SLC44A5: variants seen among roughly 807,000 people sequenced by gnomAD.
SLC44A5 encodes choline transporter-like protein 5.
In SLC44A5, 57 loss-of-function variants were observed where a neutral mutation model predicts 101.8. The observed-to-expected ratio is 0.56, with a 90% CI of 0.45 to 0.70. The LOEUF (loss-of-function observed/expected upper bound fraction) is 0.70, where lower values mean the gene tolerates loss of function less well. Among genes scored for constraint, SLC44A5 ranks in the 30% least tolerant of loss-of-function variants. The pLI is 0.00. For synonymous variants in SLC44A5, 281 were observed against 290.9 expected (o/e 0.97, Z 0.35); for missense variants, 737 against 853.1 (o/e 0.86, Z 1.70).
At chr1:75,465,299 C>T (rs1395120894) in intron 2 of SLC44A5, among the ~76,000 whole-genome samples, 3 of 151,934 alleles carry the variant, frequency 2.0e-5, no homozygotes, top group Admixed American at 1.3e-4. Context: ...TCAATGAAGA[C>T]ATTAAGAAGG....
At chr1:75,580,756 A>G (rs1238299235) in intron 1 of SLC44A5, among the ~76,000 whole-genome samples, 1 of 151,602 alleles carries the variant, frequency 6.6e-6, no homozygotes, top group East Asian at 2.0e-4. Context: ...GAGAATCAGT[A>G]GAACCTGGGA....
chr1:75,715,855 A>G, the SLC44A5 span, among the ~76,000 whole-genome samples: 1 of 152,386 alleles, frequency 6.6e-6, no homozygotes, highest in African/African-American at 2.4e-5. Flanking sequence ...CAAAGTAAGC[A>G]GACAAACTAC....
chr1:75,446,865 C>A (rs550948128), intron 2 of SLC44A5, among the ~76,000 whole-genome samples: 2 of 152,166 alleles, frequency 1.3e-5, no homozygotes, highest in African/African-American at 2.4e-5. Context: ...ATTTCTTAAA[C>A]TGACTTTCCC....
At chr1:75,263,699 T>G (rs886353525) in intron 6 of SLC44A5, among the ~76,000 whole-genome samples, 5 of 152,320 alleles carry the variant, frequency 3.3e-5, no homozygotes, top group South Asian at 2.1e-4. Flanking sequence ...ATTGCAGCAC[T>G]GTTCACAGTA....
At chr1:75,311,200 T>C (rs1351827402) in intron 4 of SLC44A5, among the ~76,000 whole-genome samples, 1 of 151,726 alleles carries the variant, frequency 6.6e-6, no homozygotes, top group East Asian at 1.9e-4. Flanking sequence ...CACTGCAACC[T>C]CCGTTTCCCA....
At chr1:75,508,437 G>C (rs538049646) in intron 2 of SLC44A5, among the ~76,000 whole-genome samples, 1 of 152,154 alleles carries the variant, frequency 6.6e-6, no homozygotes, top group Non-Finnish European at 1.5e-5. Flanking sequence ...ATCATACCTA[G>C]AGGAACCAGA....
chr1:75,264,991 T>C (rs925576703), intron 6 of SLC44A5, among the ~76,000 whole-genome samples: 2 of 152,096 alleles, frequency 1.3e-5, no homozygotes, highest in African/African-American at 2.4e-5. Flanking sequence ...TATGAAAAAC[T>C]GTACACCAAC....
chr1:75,255,613 C>T (rs1418528857), intron 6 of SLC44A5, among the ~76,000 whole-genome samples: 3 of 151,856 alleles, frequency 2.0e-5, no homozygotes, highest in Admixed American at 2.0e-4. Flanking sequence ...ATAAAAATCG[C>T]AAAGAAATAA....
chr1:75,305,069 G>C (rs142183901), intron 4 of SLC44A5, among the ~76,000 whole-genome samples: 4 of 152,178 alleles, frequency 2.6e-5, no homozygotes, highest in African/African-American at 4.8e-5. Flanking sequence ...CAAATTAAAA[G>C]AATAAGAATA....
intron 2 of SLC44A5, among the ~76,000 whole-genome samples, chr1:75,428,508 A>G (rs1007347167): frequency 6.6e-6 from 1 of 152,124 alleles, no homozygotes; most frequent in Non-Finnish European, 1.5e-5. Flanking sequence ...GCTAACTCAA[A>G]TGAAGCTTTA....
intron 3 of SLC44A5, among the ~76,000 whole-genome samples, chr1:75,391,790 T>A (rs545479272): frequency 2.2e-4 from 33 of 152,254 alleles, no homozygotes; most frequent in African/African-American, 7.7e-4. Context: ...ACCTAGGAAA[T>A]AACCTTCTAG....
intron 1 of SLC44A5, among the ~76,000 whole-genome samples, chr1:75,564,098 C>T (rs1672658383): frequency 6.6e-6 from 1 of 152,166 alleles, no homozygotes; most frequent in African/African-American, 2.4e-5. Context: ...CCAAATACAT[C>T]AGAACACTGT....
chr1:75,670,565 T>A, the SLC44A5 span, among the ~76,000 whole-genome samples: 1 of 152,236 alleles, frequency 6.6e-6, no homozygotes, highest in Admixed American at 6.5e-5. Flanking sequence ...GTTTTGAAAT[T>A]TGTAATGGCT....
the SLC44A5 span, among the ~76,000 whole-genome samples, chr1:75,625,594 C>T: frequency 2.0e-4 from 30 of 152,134 alleles, no homozygotes; most frequent in African/African-American, 7.0e-4. Flanking sequence ...AAATGATACA[C>T]TTTGTGACTT....
intron 2 of SLC44A5, among the ~76,000 whole-genome samples, chr1:75,473,128 A>C (rs996532113): frequency 2.6e-5 from 4 of 152,208 alleles, no homozygotes; most frequent in African/African-American, 9.6e-5. Context: ...TTCCTGATTG[A>C]ATTACAATCT....
At chr1:75,561,357 G>T (rs953905284) in intron 1 of SLC44A5, among the ~76,000 whole-genome samples, 18 of 152,034 alleles carry the variant, frequency 1.2e-4, no homozygotes, top group Non-Finnish European at 7.4e-5. Context: ...CTCTTACCCT[G>T]ACTTTTTTTC....
intron 2 of SLC44A5, among the ~76,000 whole-genome samples, chr1:75,446,291 T>C (rs921650704): frequency 1.3e-5 from 2 of 152,152 alleles, no homozygotes; most frequent in African/African-American, 4.8e-5. Context: ...GCCTCTCTAA[T>C]CATATCTCCC....
chr1:75,395,087 C>T (rs925659680), intron 3 of SLC44A5, among the ~76,000 whole-genome samples: 2 of 152,024 alleles, frequency 1.3e-5, no homozygotes, highest in African/African-American at 4.8e-5. Context: ...GTACTTCTCT[C>T]CTTGGGCTAC....
At chr1:75,241,159 CT>C (rs534116542) in intron 9 of SLC44A5, among the ~76,000 whole-genome samples, 4 of 151,110 alleles carry the variant, frequency 2.6e-5, no homozygotes, top group Admixed American at 6.6e-5. Context: ...TAATGTAAAG[CT>C]TTTTTTTGTA....
Sources: allele counts gnomAD v4.1 joint callset (sites outside exome capture counted in the v4.1 genomes callset), GRCh38; gene constraint gnomAD v4.1.1; transcripts MANE v1.5; gene names NCBI Gene and HGNC (gene_info 2026-07-23, HGNC 2026-07-21).